CHN2: variants seen among roughly 807,000 people sequenced by gnomAD.
CHN2 encodes the protein beta-chimaerin.
A neutral mutation model predicts 56.3 loss-of-function variants in CHN2; 35 were observed. The observed-to-expected ratio is 0.62, with a 90% confidence interval of 0.47 to 0.82. The LOEUF (loss-of-function observed/expected upper bound fraction) is 0.82, where lower values mean the gene tolerates loss of function less well. Ranked by LOEUF, CHN2 falls within the 40% of genes least tolerant of loss-of-function variation. The pLI is 0.00. For synonymous variants in CHN2, 210 were observed against 212.8 expected (o/e 0.99, Z 0.12); for missense variants, 491 against 580.5 (o/e 0.85, Z 1.58).
At chr7:29,471,442 A>C (rs568143523) in intron 6 of CHN2, among the ~76,000 whole-genome samples, 1 of 152,328 alleles carries the variant, frequency 6.6e-6, no homozygotes, top group South Asian at 2.1e-4. Flanking sequence ...TGGGAAGGAC[A>C]GCAACTGTAG....
intron 1 of CHN2, among the ~76,000 whole-genome samples, chr7:29,297,910 G>C (rs547041527): frequency 6.6e-6 from 1 of 152,280 alleles, no homozygotes; most frequent in African/African-American, 2.4e-5. Context: ...TTTGAAAGGG[G>C]TACAGACTGA....
chr7:29,370,335 A>T (rs1356067103), intron 3 of CHN2, among the ~76,000 whole-genome samples: 4 of 152,204 alleles, frequency 2.6e-5, no homozygotes, highest in African/African-American at 7.2e-5. Flanking sequence ...GACATGCCTA[A>T]TGAAGACAGA....
At chr7:29,157,745 A>G (rs1562799297) in intron 2 of CHN2, among the ~76,000 whole-genome samples, 2 of 152,216 alleles carry the variant, frequency 1.3e-5, no homozygotes, top group African/African-American at 2.4e-5. Flanking sequence ...CATATTTTCA[A>G]TAACACTAAA....
rs541091615 is a variant in CHN2, at chr7:29,472,235, C to T, written c.577-8044C>T. On this transcript the variant is annotated intron_variant, in intron 6 of 12. Coordinates refer to ENST00000222792, the MANE Select transcript of CHN2 (RefSeq NM_004067.4). ...TCACCGCACCTCCTTATCCACCAGT[C>T]CCCTCAAAATCCCCATAGAAGCTTT... Among the ~76,000 whole-genome samples the T allele has an allele frequency of 7.4e-5, 8 of 108,658 alleles. No individual in the cohort carries two copies. The South Asian group carries it at 1.1e-3, about 15-fold the overall frequency. 71.3% of individuals were successfully genotyped at this position (108,658 alleles called of 152,430 possible). A position where few individuals can be genotyped will look rare whatever the true frequency, so the allele number is the denominator to read the frequency against.
intron 1 of CHN2, among the ~76,000 whole-genome samples, chr7:29,229,211 A>T (rs919255785): frequency 4.6e-5 from 7 of 152,192 alleles, no homozygotes; most frequent in African/African-American, 1.7e-4. Flanking sequence ...AGCTAGAAAA[A>T]GGACAAAGGT....
At position 29,263,481 on chromosome 7, in the gene CHN2, G is replaced by C. The variant is rs560563155; in HGVS notation, c.49+68491G>C. On this transcript the variant is annotated intron_variant, in intron 1 of 12. Transcript: ENST00000222792. Reference sequence around the variant, plus strand: ...TAGGAAGTGAGGAGCGTCTCTGCCTGGCCGCCCATCGTCTGGGATGTGAGG... The same window carrying C: ...TAGGAAGTGAGGAGCGTCTCTGCCTCGCCGCCCATCGTCTGGGATGTGAGG... 2.3e-4 allele frequency among the ~76,000 whole-genome samples: 35 copies of C among 151,184 alleles called. No individual in the cohort carries two copies. The East Asian group carries it at 6.5e-3, about 28-fold the overall frequency.
intron 1 of CHN2, among the ~76,000 whole-genome samples, chr7:29,236,074 T>C (rs1311137250): frequency 6.6e-6 from 1 of 152,160 alleles, no homozygotes; most frequent in Non-Finnish European, 1.5e-5. Flanking sequence ...GCAGATACCC[T>C]CTGGAGGTAT....
chr7:29,382,768 C>T (rs888370983), intron 3 of CHN2, among the ~76,000 whole-genome samples: 5 of 152,180 alleles, frequency 3.3e-5, no homozygotes, highest in African/African-American at 1.2e-4. Context: ...TCAGCTCTTA[C>T]TTTTAAATTA....
At chr7:29,439,127 T>C (rs1176507562) in intron 6 of CHN2, among the ~76,000 whole-genome samples, 2 of 152,194 alleles carry the variant, frequency 1.3e-5, no homozygotes, top group Admixed American at 6.5e-5. Flanking sequence ...TTTGCCTGTA[T>C]TGGTTTTCAG....
rs552632635 is a variant in CHN2 at position 29,496,573 on chromosome 7, T to C, written c.739+537T>C. Among the ~76,000 whole-genome samples, 21 of 151,956 alleles carry C rather than the reference T, an allele frequency of 1.4e-4. 1 individual carries two copies. The highest frequency in any genetic ancestry group is 1.3e-3 in the Admixed American group (20 of 15,266). On this transcript the variant is annotated intron_variant, in intron 8 of 12. Coordinates refer to ENST00000222792, the MANE Select transcript of CHN2 (RefSeq NM_004067.4). The stretch of plus-strand genomic sequence containing the variant: ...TTGCCCTTGGCTACGCAGTAAGGAA[T>C]AGAATATTGATTCAATGGGAGCCAG...
chr7:29,440,065 C>T (rs1001100575), intron 6 of CHN2, among the ~76,000 whole-genome samples: 2 of 152,130 alleles, frequency 1.3e-5, no homozygotes, highest in African/African-American at 4.8e-5. Context: ...TTAAAGAAAG[C>T]GAGACTCCTA....
At chr7:29,491,653 A>G (rs1449194824) in intron 7 of CHN2, among the ~76,000 whole-genome samples, 5 of 152,096 alleles carry the variant, frequency 3.3e-5, no homozygotes, top group Non-Finnish European at 7.4e-5. Context: ...TGATCCTCCT[A>G]CCTTGACCTC....
chr7:29,348,058 T>C (rs1797596321), intron 1 of CHN2, among the ~76,000 whole-genome samples: 1 of 150,660 alleles, frequency 6.6e-6, no homozygotes, highest in Non-Finnish European at 1.5e-5. Context: ...ATTGGACTTT[T>C]TCTGTTTTTC....
chr7:29,216,275 G>T (rs1439962626), intron 1 of CHN2, among the ~76,000 whole-genome samples: 1 of 152,140 alleles, frequency 6.6e-6, no homozygotes, highest in Non-Finnish European at 1.5e-5. Flanking sequence ...ATTAGGGTTG[G>T]GGAAATTGGT....
intron 6 of CHN2, among the ~76,000 whole-genome samples, chr7:29,463,467 G>A (rs1023499106): frequency 2.6e-5 from 4 of 152,102 alleles, no homozygotes; most frequent in African/African-American, 4.8e-5. Context: ...TTAGGGTCTC[G>A]GCTTTTGTGC....
intron 1 of CHN2, among the ~76,000 whole-genome samples, chr7:29,343,351 T>C (rs1797187209): frequency 6.6e-6 from 1 of 152,216 alleles, no homozygotes; most frequent in Non-Finnish European, 1.5e-5. Flanking sequence ...GTAATGACGA[T>C]GATAACCAAA....
At chr7:29,372,339 G>A (rs997191471) in intron 3 of CHN2, among the ~76,000 whole-genome samples, 3 of 152,030 alleles carry the variant, frequency 2.0e-5, no homozygotes, top group African/African-American at 7.3e-5. Context: ...CACGTAATAA[G>A]AGGCCCTTCC....
intron 2 of CHN2, among the ~76,000 whole-genome samples, chr7:29,161,595 A>G (rs962872818): frequency 6.6e-6 from 1 of 152,092 alleles, no homozygotes; most frequent in Admixed American, 6.6e-5. Context: ...TGTATTCTCT[A>G]AGCCTCTGCT....
At chr7:29,211,357 C>T (rs1158229973) in intron 1 of CHN2, among the ~76,000 whole-genome samples, 2 of 151,808 alleles carry the variant, frequency 1.3e-5, no homozygotes, top group Admixed American at 1.3e-4. Flanking sequence ...GGATTACAGG[C>T]GTGAGCCACC....
Sources: allele counts gnomAD v4.1 joint callset (sites outside exome capture counted in the v4.1 genomes callset), GRCh38; gene constraint gnomAD v4.1.1; transcripts MANE v1.5; gene names NCBI Gene and HGNC (gene_info 2026-07-23, HGNC 2026-07-21).